The following C6orf62 variants were observed in gnomAD, a reference collection of about 807,000 sequenced individuals.
C6orf62 encodes uncharacterized protein C6orf62.
C6orf62 carries 16 observed loss-of-function variants against 26.8 expected under a neutral mutation model. That is an observed-to-expected ratio of 0.60 (90% CI 0.40 to 0.91). The LOEUF (loss-of-function observed/expected upper bound fraction) is 0.91. C6orf62 is among the 40% of genes least tolerant of loss of function. C6orf62 has a pLI of 0.00. For missense variants in C6orf62, 192 were observed against 271.4 expected (o/e 0.71, Z 2.06); for synonymous variants, 112 against 91.5 (o/e 1.22, Z -1.28).
upstream of C6orf62, chr6:24,720,800 C>T (rs1459237184): frequency 1.3e-5 from 2 of 152,328 alleles, no homozygotes; most frequent in Non-Finnish European, 2.9e-5. Flanking sequence ...CGGCGAAGGC[C>T]TCGGGCGCCT....
intron 2 of C6orf62, 136 bp from the exon 3 acceptor site, chr6:24,714,576 G>A: frequency 1.8e-6 from 1 of 569,474 alleles, no homozygotes; most frequent in Non-Finnish European, 3.0e-6. Context: ...TTATATCTTA[G>A]GAAGTAAACA....
At position 24,716,368 on chromosome 6, in the gene C6orf62, C is replaced by A. The variant is rs200309581; in HGVS notation, c.130-44G>T. Reference sequence around the variant, plus strand: ...GTGTATTAACCCACAGGGAGCACAGCCTTTTAACACTCAGTTCATATTACA... The same window carrying A: ...GTGTATTAACCCACAGGGAGCACAGACTTTTAACACTCAGTTCATATTACA... On this transcript the variant is annotated intron_variant, in intron 1 of 4. Transcript: ENST00000378119. 4.0e-5 allele frequency: 55 copies of A among 1,367,190 alleles called. No homozygotes were observed. In the East Asian group the frequency reaches 1.2e-3, roughly 31 times the overall value. The allele number at this position is 1,367,190 out of a possible 1,614,324, so 84.7% of individuals were successfully genotyped here. A position where few individuals can be genotyped will look rare whatever the true frequency, so the allele number is the denominator to read the frequency against.
upstream of C6orf62, chr6:24,720,287 G>A (rs764151495): frequency 1.1e-5 from 14 of 1,282,600 alleles, no homozygotes; most frequent in Non-Finnish European, 1.3e-5. Flanking sequence ...GGCGGAAGAG[G>A]CGGCGGCGGC....
At chr6:24,713,272 G>A (rs1337402812) in intron 3 of C6orf62, among the ~76,000 whole-genome samples, 1 of 152,098 alleles carries the variant, frequency 6.6e-6, no homozygotes, top group Non-Finnish European at 1.5e-5. Context: ...TATAAGTCAG[G>A]GGAATCTGTA....
At chr6:24,717,543 C>CA (rs1248529200) in intron 1 of C6orf62, among the ~76,000 whole-genome samples, 11 of 152,210 alleles carry the variant, frequency 7.2e-5, no homozygotes, top group Non-Finnish European at 1.2e-4. Context: ...CCTGTAATCC[C>CA]AGCACTTTAA....
chr6:24,706,685 G>A (rs1779016789), intron 4 of C6orf62: 1 of 164,454 alleles, frequency 6.1e-6, no homozygotes, highest in Non-Finnish European at 1.3e-5. Flanking sequence ...GCTGAGTCAG[G>A]AGGATTGCTT....
At position 24,718,683 on chromosome 6, in the gene C6orf62, G is replaced by A; in HGVS notation, c.-15C>T. 6.2e-7 allele frequency: 1 copy of A among 1,613,432 alleles called. No homozygotes were observed. Among genetic ancestry groups the A allele is most frequent in the Non-Finnish European group, 8.5e-7 (1 of 1,179,878 alleles). ...GGGTCCCCCATTTTGAAATACAGGT[G>A]GTACTAAAGCCTTTGGAAATTGTCA... On this transcript the variant is annotated 5_prime_UTR_variant, in exon 1 of 5. Coordinates refer to ENST00000378119, the MANE Select transcript of C6orf62 (RefSeq NM_030939.5).
intron 3 of C6orf62, chr6:24,710,512 G>T: frequency 1.2e-6 from 1 of 822,346 alleles, no homozygotes; most frequent in Non-Finnish European, 1.5e-6. Flanking sequence ...GATCCATCTG[G>T]CTTAGCCTCC....
intron 4 of C6orf62, 68 bp downstream of exon 4, chr6:24,708,709 T>C (rs1779062361): frequency 6.3e-7 from 1 of 1,587,654 alleles, no homozygotes; most frequent in Non-Finnish European, 8.6e-7. Context: ...GTAACTTGTA[T>C]ATAAAACGTT....
chr6:24,712,816 G>A (rs1779148974), intron 3 of C6orf62, among the ~76,000 whole-genome samples: 2 of 151,992 alleles, frequency 1.3e-5, no homozygotes, highest in Non-Finnish European at 2.9e-5. Context: ...TAAGGTCCCA[G>A]TGGGAAAGGC....
chr6:24,706,455 G>A (rs1339941134), intron 4 of C6orf62, among the ~76,000 whole-genome samples, 193 bp from the exon 5 acceptor site: 1 of 152,124 alleles, frequency 6.6e-6, no homozygotes, highest in East Asian at 1.9e-4. Flanking sequence ...AGAATTAGAA[G>A]ATAAAAAGTT....
At chr6:24,710,338 T>C in intron 3 of C6orf62, 1 of 672,840 alleles carries the variant, frequency 1.5e-6, no homozygotes, top group Non-Finnish European at 1.8e-6. Context: ...CGATCTCGGC[T>C]CACTGCAACC....
chr6:24,710,326 C>T (rs1779095356), intron 3 of C6orf62: 4 of 777,362 alleles, frequency 5.1e-6, no homozygotes, highest in South Asian at 5.9e-5. Context: ...AGTGCAATGG[C>T]GCGATCTCGG....
intron 3 of C6orf62, chr6:24,709,908 G>C: frequency 1.1e-5 from 11 of 985,388 alleles, no homozygotes; most frequent in Non-Finnish European, 1.3e-5. Context: ...AAATTTTATT[G>C]CCGTTACGTC....
rs1244463356 is a variant in C6orf62, at chr6:24,714,320, G to C, written c.427C>G (p.Gln143Glu). ...KESDEPFRPV[Q>E]AKFEFHHGDY... ...CATCACACTTTAGACCAAAATACCT[G>C]AACAGGCCTAAAAGGCTCATCAGAT... The change falls in exon 3 of 5, where the codon CAG (glutamine) becomes GAG (glutamate). Residue 143 changes from glutamine (Q) to glutamate (E), a missense_variant and splice_region_variant. Physicochemically the swap from Gln to Glu is conservative, Grantham distance 29 (BLOSUM62 2). Transcript: ENST00000378119. The C allele has an allele frequency of 4.4e-6, 7 of 1,603,752 alleles. No homozygotes were observed. The highest frequency in any genetic ancestry group is 5.9e-6 in the Non-Finnish European group (7 of 1,176,570).
rs769902119 is a variant in C6orf62, at chr6:24,716,133, T to C, written c.306+15A>G. ...ACAGAAACTTTATCAAGTCAAGACT[T>C]AAGGCAGAACTTACCCTTCTCATAG... On this transcript the variant is annotated intron_variant, in intron 2 of 4. Coordinates refer to ENST00000378119, the MANE Select transcript of C6orf62 (RefSeq NM_030939.5). The C allele has an allele frequency of 1.9e-6, 3 of 1,608,896 alleles. No individual in the cohort carries two copies. The highest frequency in any genetic ancestry group is 2.6e-6 in the Non-Finnish European group (3 of 1,176,216).
chr6:24,719,477 C>T (rs1779308415), upstream of C6orf62: 1 of 1,097,774 alleles, frequency 9.1e-7, no homozygotes. Context: ...GAAAAAACAG[C>T]GGAGTCATTA....
intron 4 of C6orf62, chr6:24,706,965 A>G (rs1562167117): frequency 1.3e-5 from 2 of 152,316 alleles, no homozygotes; most frequent in South Asian, 2.1e-4. Flanking sequence ...GAAAAAAGCC[A>G]AAGTATTACC....
At chr6:24,720,315 C>A (rs1466623077), upstream of C6orf62, 1 of 1,306,538 alleles carries the variant, frequency 7.7e-7, no homozygotes, top group Non-Finnish European at 9.7e-7. Context: ...CTGCTGGTAG[C>A]ACGGGCAGGA....
Sources: gnomAD v4.1 joint callset for allele counts (sites outside exome capture counted in the v4.1 genomes callset) on GRCh38, gnomAD v4.1.1 for gene constraint, MANE v1.5 for transcripts, NCBI Gene and HGNC (gene_info 2026-07-23, HGNC 2026-07-21) for gene names.